RBFOX1: variants seen among roughly 807,000 people sequenced by gnomAD.
RBFOX1 encodes RNA binding fox-1 homolog 1.
In RBFOX1, 8 loss-of-function variants were observed where a neutral mutation model predicts 57.7. That is an observed-to-expected ratio of 0.14 (90% CI 0.08 to 0.25). The LOEUF is 0.25. Ranked by LOEUF, RBFOX1 falls within the 10% of genes least tolerant of loss-of-function variation. The probability of loss-of-function intolerance (pLI) is 1.00; values close to 1 mark genes in which losing one functional copy is unlikely to be tolerated. For synonymous variants in RBFOX1, 326 were observed against 222.4 expected, an observed-to-expected ratio of 1.47 and a Z score of -4.15; for missense variants, 611 against 548.5, an observed-to-expected ratio of 1.11 and a Z score of -1.14.
chr16:6,243,353 C>T (rs1343823512), intron 1 of RBFOX1, among the ~76,000 whole-genome samples: 2 of 152,174 alleles, frequency 1.3e-5, no homozygotes, highest in South Asian at 4.1e-4. Flanking sequence ...CTTTAAACTC[C>T]AAGTACTTCT....
At chr16:6,516,639 C>T (rs2096384034) in intron 2 of RBFOX1, among the ~76,000 whole-genome samples, 1 of 152,122 alleles carries the variant, frequency 6.6e-6, no homozygotes, top group African/African-American at 2.4e-5. Context: ...TTGAATAAGG[C>T]ATTGGAAGAC....
At chr16:6,859,089 G>A (rs1269500584) in intron 3 of RBFOX1, among the ~76,000 whole-genome samples, 1 of 93,388 alleles carries the variant, frequency 1.1e-5, no homozygotes, top group Non-Finnish European at 2.3e-5. Context: ...TACCATCAGT[G>A]TTGTATTGTC....
At chr16:5,470,529 A>G (rs576381172) in intron 2 of RBFOX1, among the ~76,000 whole-genome samples, 4 of 152,070 alleles carry the variant, frequency 2.6e-5, no homozygotes, top group African/African-American at 9.6e-5. Context: ...CTACCTTTCT[A>G]TCTCAGGGCT....
intron 2 of RBFOX1, among the ~76,000 whole-genome samples, chr16:5,550,393 G>T (rs1364922847): frequency 6.6e-6 from 1 of 152,114 alleles, no homozygotes; most frequent in East Asian, 1.9e-4. Context: ...CAGGGCTGTC[G>T]TGAGCCACCC....
At chr16:5,933,869 G>A (rs1277839755) in intron 4 of RBFOX1, among the ~76,000 whole-genome samples, 2 of 151,842 alleles carry the variant, frequency 1.3e-5, no homozygotes, top group Non-Finnish European at 2.9e-5. Flanking sequence ...ATGGGGGTTT[G>A]TTGTACAGAT....
chr16:6,381,474 G>T (rs2091808172), intron 2 of RBFOX1, among the ~76,000 whole-genome samples: 1 of 152,196 alleles, frequency 6.6e-6, no homozygotes, highest in South Asian at 2.1e-4. Context: ...AGTCAGCGAG[G>T]AGTGATCAGC....
chr16:5,393,229 C>G (rs2066462142), intron 1 of RBFOX1, among the ~76,000 whole-genome samples: 1 of 152,072 alleles, frequency 6.6e-6, no homozygotes, highest in African/African-American at 2.4e-5. Context: ...TCACTGTACC[C>G]CAGCACTGGA....
At chr16:5,860,257 AT>A (rs2057178976) in intron 3 of RBFOX1, among the ~76,000 whole-genome samples, 1 of 152,006 alleles carries the variant, frequency 6.6e-6, no homozygotes. Flanking sequence ...TAATTTTTGT[AT>A]TTTTAGCAGA....
At chr16:6,231,114 C>T (rs887433373) in intron 1 of RBFOX1, among the ~76,000 whole-genome samples, 5 of 151,800 alleles carry the variant, frequency 3.3e-5, no homozygotes, top group Admixed American at 6.6e-5. Flanking sequence ...GTTTTTTGGA[C>T]GAATGATAAT....
At chr16:6,990,376 T>G (rs970597240) in intron 3 of RBFOX1, among the ~76,000 whole-genome samples, 7 of 152,000 alleles carry the variant, frequency 4.6e-5, no homozygotes, top group Non-Finnish European at 1.0e-4. Context: ...AATACAAAAG[T>G]TAGCCGGTAG....
chr16:7,336,157 G>A (rs1603624102), intron 4 of RBFOX1, among the ~76,000 whole-genome samples: 2 of 152,194 alleles, frequency 1.3e-5, no homozygotes, highest in African/African-American at 2.4e-5. Flanking sequence ...TCAGTCACTT[G>A]CCCAAGTCAG....
intron 2 of RBFOX1, among the ~76,000 whole-genome samples, chr16:6,596,410 C>T (rs1032331333): frequency 7.2e-5 from 11 of 152,110 alleles, no homozygotes; most frequent in Non-Finnish European, 2.9e-5. Context: ...CTGACTTTGA[C>T]CCTAGGGTGC....
intron 3 of RBFOX1, among the ~76,000 whole-genome samples, chr16:6,959,590 A>C (rs1290338318): frequency 3.3e-5 from 5 of 152,134 alleles, no homozygotes; most frequent in African/African-American, 1.2e-4. Flanking sequence ...AAGGCTGAAC[A>C]GGCAGGCCTC....
At chr16:6,274,021 C>G (rs1207200595) in intron 1 of RBFOX1, among the ~76,000 whole-genome samples, 1 of 152,110 alleles carries the variant, frequency 6.6e-6, no homozygotes, top group African/African-American at 2.4e-5. Flanking sequence ...ATCAGAAGGG[C>G]TAAAACTAAA....
At chr16:6,632,871 G>T (rs2098401410) in intron 2 of RBFOX1, among the ~76,000 whole-genome samples, 1 of 152,142 alleles carries the variant, frequency 6.6e-6, no homozygotes, top group South Asian at 2.1e-4. Flanking sequence ...TTATACAAGG[G>T]GATGGGACCA....
chr16:6,554,538 A>C (rs991319841), intron 2 of RBFOX1, among the ~76,000 whole-genome samples: 4 of 152,174 alleles, frequency 2.6e-5, no homozygotes, highest in Non-Finnish European at 2.9e-5. Flanking sequence ...ATGGTTTATG[A>C]ACTCTATCTC....
At chr16:6,321,369 G>A (rs988792309) in intron 2 of RBFOX1, among the ~76,000 whole-genome samples, 3 of 152,088 alleles carry the variant, frequency 2.0e-5, no homozygotes, top group African/African-American at 7.2e-5. Flanking sequence ...TTGTACCTAG[G>A]CTGATACTTA....
At chr16:7,124,763 A>C (rs537586930) in intron 4 of RBFOX1, among the ~76,000 whole-genome samples, 1 of 152,144 alleles carries the variant, frequency 6.6e-6, no homozygotes, top group South Asian at 2.1e-4. Flanking sequence ...GTGATTTTTC[A>C]ATGAGGAATG....
chr16:5,811,151 T>TTTTA (rs1416243498), intron 3 of RBFOX1, among the ~76,000 whole-genome samples: 1 of 143,584 alleles, frequency 7.0e-6, no homozygotes, highest in African/African-American at 2.6e-5. Context: ...AAATTTTTTT[T>TTTTA]TTTTTTTTTT....
Sources: allele counts gnomAD v4.1 joint callset (sites outside exome capture counted in the v4.1 genomes callset), GRCh38; gene constraint gnomAD v4.1.1; transcripts MANE v1.5; gene names NCBI Gene and HGNC (gene_info 2026-07-23, HGNC 2026-07-21).